The following USH2A variants were observed in gnomAD, a reference collection of about 807,000 sequenced individuals.
USH2A encodes the protein Usher syndrome 2A (autosomal recessive, mild).
USH2A carries 443 observed loss-of-function variants against 538.9 expected under a neutral mutation model. That is an observed-to-expected ratio of 0.82 (90% CI 0.76 to 0.89). USH2A has a LOEUF of 0.89. Among genes scored for constraint, USH2A ranks in the 40% least tolerant of loss-of-function variants. The pLI is 0.00. For synonymous variants in USH2A, 2,413 were observed against 2,273.5 expected, an observed-to-expected ratio of 1.06 and a Z score of -1.75; for missense variants, 6,633 against 6,324.8, an observed-to-expected ratio of 1.05 and a Z score of -1.65.
At chr1:216,345,546 C>T (rs768476155) in intron 4 of USH2A, among the ~76,000 whole-genome samples, 10 of 152,074 alleles carry the variant, frequency 6.6e-5, no homozygotes, top group Non-Finnish European at 1.3e-4. Context: ...TCTGTGCAAA[C>T]TAGTTCAAAG....
At chr1:215,914,156 C>T (rs1374204516) in intron 38 of USH2A, among the ~76,000 whole-genome samples, 1 of 149,088 alleles carries the variant, frequency 6.7e-6, no homozygotes, top group Non-Finnish European at 1.5e-5. Flanking sequence ...TCACTGCAAC[C>T]TCCGCCTCCT....
At chr1:215,700,579 T>C (rs1408854233) in intron 61 of USH2A, among the ~76,000 whole-genome samples, 3 of 152,216 alleles carry the variant, frequency 2.0e-5, no homozygotes, top group Non-Finnish European at 2.9e-5. Flanking sequence ...TTCTAGATTT[T>C]CTAGTTTATT....
chr1:215,783,577 A>G (rs907300369), intron 52 of USH2A, among the ~76,000 whole-genome samples: 3 of 152,214 alleles, frequency 2.0e-5, no homozygotes, highest in African/African-American at 7.2e-5. Flanking sequence ...AACTGGCAAA[A>G]ATTGTATTAG....
chr1:216,029,957 GT>G (rs1475694985), intron 32 of USH2A, among the ~76,000 whole-genome samples: 2 of 141,950 alleles, frequency 1.4e-5, no homozygotes, highest in East Asian at 2.1e-4. Flanking sequence ...TAAAGAAAAT[GT>G]GATAGATAGA....
chr1:215,951,831 T>C (rs1666924281), intron 37 of USH2A, among the ~76,000 whole-genome samples: 1 of 152,096 alleles, frequency 6.6e-6, no homozygotes, highest in Middle Eastern at 3.2e-3. Context: ...TCTCTTTTGA[T>C]CTTTGTTGGT....
chr1:215,948,238 C>G (rs1666806570), intron 37 of USH2A, among the ~76,000 whole-genome samples: 1 of 151,894 alleles, frequency 6.6e-6, no homozygotes, highest in Non-Finnish European at 1.5e-5. Context: ...TTCCTTCCCC[C>G]ATGTTTTCCT....
chr1:215,960,928 T>C (rs954622883), intron 37 of USH2A, among the ~76,000 whole-genome samples: 4 of 152,106 alleles, frequency 2.6e-5, no homozygotes, highest in Non-Finnish European at 5.9e-5. Context: ...ATAACTTGGC[T>C]AAGTTTGTCT....
chr1:216,099,909 T>C (rs1165978858), intron 21 of USH2A, among the ~76,000 whole-genome samples: 1 of 152,112 alleles, frequency 6.6e-6, no homozygotes, highest in African/African-American at 2.4e-5. Context: ...GAGAAGACGA[T>C]GCTAGGAAAA....
chr1:216,402,986 A>G (rs1423942226), intron 3 of USH2A, among the ~76,000 whole-genome samples: 8 of 152,164 alleles, frequency 5.3e-5, no homozygotes. Flanking sequence ...AGGATCTTAA[A>G]ACATTAAGTT....
intron 61 of USH2A, among the ~76,000 whole-genome samples, chr1:215,686,048 C>T (rs1038274962): frequency 6.6e-6 from 1 of 152,128 alleles, no homozygotes; most frequent in African/African-American, 2.4e-5. Context: ...AGTGGGATGA[C>T]ACAGCTGCCA....
chr1:215,883,260 A>G (rs561594168), intron 41 of USH2A, among the ~76,000 whole-genome samples: 1 of 152,110 alleles, frequency 6.6e-6, no homozygotes, highest in Non-Finnish European at 1.5e-5. Flanking sequence ...ATCTTGTATT[A>G]TAAATTATTA....
At chr1:216,181,182 C>A (rs111352673) in intron 20 of USH2A, among the ~76,000 whole-genome samples, 345 of 152,168 alleles carry the variant, frequency 2.3e-3, no homozygotes, top group African/African-American at 7.9e-3. Flanking sequence ...CTCTTTAAGA[C>A]CCTGATTATG....
chr1:216,045,297 C>T (rs2030463932), intron 32 of USH2A, among the ~76,000 whole-genome samples: 2 of 151,992 alleles, frequency 1.3e-5, no homozygotes, highest in Non-Finnish European at 2.9e-5. Flanking sequence ...AAGTATAATA[C>T]AAATATAAAC....
chr1:216,073,152 C>A lies in USH2A; in HGVS notation c.5721G>T (p.Leu1907=), dbSNP rs767435169. 2 of 1,613,808 alleles carry A rather than the reference C, an allele frequency of 1.2e-6. No individual in the cohort carries two copies. Among genetic ancestry groups the A allele is most frequent in the Non-Finnish European group, 1.7e-6 (2 of 1,179,946 alleles). The change falls in exon 28 of 72, where the codon CTG becomes CTT. Residue 1907 remains leucine (L), a synonymous_variant. Transcript: ENST00000307340. The part of the protein sequence containing the change: ...AVNCRGNDSI[L]VYQGKEQSVY... ...CACTCTGCTCTTTTCCCTGGTAAACCAGGATGGAGTCATTTCCCCTGCAGT... is the reference window on the plus strand; with the variant it reads ...CACTCTGCTCTTTTCCCTGGTAAACAAGGATGGAGTCATTTCCCCTGCAGT...
At chr1:215,949,678 T>A (rs2102439403) in intron 37 of USH2A, among the ~76,000 whole-genome samples, 1 of 152,184 alleles carries the variant, frequency 6.6e-6, no homozygotes, top group East Asian at 1.9e-4. Flanking sequence ...AACATATGTT[T>A]CAACTGTAGA....
intron 17 of USH2A, 49 bp downstream of exon 17, chr1:216,199,578 C>T: frequency 6.2e-7 from 1 of 1,612,674 alleles, no homozygotes. Context: ...ACAATAGATT[C>T]TCATTCATGT....
chr1:216,408,354 A>G (rs2039430323), intron 3 of USH2A, among the ~76,000 whole-genome samples: 1 of 152,172 alleles, frequency 6.6e-6, no homozygotes. Flanking sequence ...TTGCGCATAC[A>G]GTAGTCCCCC....
chr1:216,311,566 C>CT (rs2037420261), intron 9 of USH2A, among the ~76,000 whole-genome samples: 1 of 151,914 alleles, frequency 6.6e-6, no homozygotes, highest in African/African-American at 2.4e-5. Context: ...GTTAATTTTT[C>CT]TTTTTGGCGG....
At chr1:216,037,719 G>A (rs1170555321) in intron 32 of USH2A, among the ~76,000 whole-genome samples, 1 of 151,636 alleles carries the variant, frequency 6.6e-6, no homozygotes, top group Non-Finnish European at 1.5e-5. Context: ...GGGTACAAGG[G>A]CAGGCTTGTT....
Sources: gnomAD v4.1 joint callset for allele counts (sites outside exome capture counted in the v4.1 genomes callset) on GRCh38, gnomAD v4.1.1 for gene constraint, MANE v1.5 for transcripts, NCBI Gene and HGNC (gene_info 2026-07-23, HGNC 2026-07-21) for gene names.